The following GLIPR1 variants were observed in gnomAD, a reference collection of about 807,000 sequenced individuals.
The protein encoded by GLIPR1 is GLI pathogenesis related 1.
GLIPR1 carries 38 observed loss-of-function variants against 30.3 expected under a neutral mutation model. The ratio of observed to expected loss-of-function variants is 1.26; its 90% CI spans 0.97 to 1.65. The LOEUF (loss-of-function observed/expected upper bound fraction) is 1.65. GLIPR1 is among the 40% of genes most tolerant of loss of function. GLIPR1 has a pLI of 0.00. For synonymous variants in GLIPR1, 122 were observed against 110.6 expected (o/e 1.10, Z -0.65); for missense variants, 285 against 326.5 (o/e 0.87, Z 0.98).
At chr12:75,481,705 T>C in intron 1 of GLIPR1, 129 bp from the exon 2 acceptor site, 1 of 770,842 alleles carries the variant, frequency 1.3e-6, no homozygotes, top group East Asian at 2.5e-5. Flanking sequence ...AAGACCATAT[T>C]TATAGAGGAC....
chr12:75,480,940 C>T lies in GLIPR1; in HGVS notation c.60C>T (p.His20=), dbSNP rs1566094113. ...TTTCTTTTGTCTCCAATTATTCACA[C>T]ACAGCAAATATTTTGCCAGATATCG... ...WMVSFVSNYS[H]TANILPDIEN... The change falls in exon 1 of 6, where the codon CAC becomes CAT. Residue 20 remains histidine (H), a synonymous_variant. Transcript: ENST00000266659. 1 of 1,613,618 alleles carries T rather than the reference C, an allele frequency of 6.2e-7. No individual in the cohort carries two copies. The highest frequency in any genetic ancestry group is 1.3e-5 in the African/African-American group (1 of 75,034).
chr12:75,496,803 TTCTA>T (rs879556528), intron 4 of GLIPR1: 1 of 152,184 alleles, frequency 6.6e-6, no homozygotes, highest in Non-Finnish European at 1.5e-5. Flanking sequence ...AATTATAAAA[TTCTA>T]TATATTAAAC....
At chr12:75,489,059 C>A (rs1039849676) in intron 2 of GLIPR1, among the ~76,000 whole-genome samples, 4 of 152,194 alleles carry the variant, frequency 2.6e-5, no homozygotes, top group Non-Finnish European at 5.9e-5. Flanking sequence ...CTGTATCCAC[C>A]TTTAAATACT....
rs2046397736 is a variant in GLIPR1, at chr12:75,501,985, C to T, written c.*3007C>T. The T allele has an allele frequency of 6.2e-7, 1 of 1,611,330 alleles. No homozygotes were observed. The highest frequency in any genetic ancestry group is 1.3e-5 in the African/African-American group (1 of 74,764). Reference sequence around the variant, plus strand: ...GCCTTCAAAAAGTATTCACCACTAGCCAATTCTTTATCGATCTGTTGAAAA... The same window carrying T: ...GCCTTCAAAAAGTATTCACCACTAGTCAATTCTTTATCGATCTGTTGAAAA... On this transcript the variant is annotated 3_prime_UTR_variant, in exon 6 of 6. Coordinates refer to ENST00000266659, the MANE Select transcript of GLIPR1 (RefSeq NM_006851.3).
rs1487473049 is a variant in GLIPR1 at position 75,500,711 on chromosome 12, T to TTTTC, written c.*1736_*1739dup. ...GGAAGCAGTGAAAAAGAATGCAACT[T>TTTTC]TTTCTTACCATTCAAAGTACAGGAT... is the stretch of plus-strand genomic sequence containing the variant. On this transcript the variant is annotated 3_prime_UTR_variant, in exon 6 of 6. Transcript: ENST00000266659. The TTTTC allele has an allele frequency of 6.6e-6, 1 of 151,894 alleles. No individual in the cohort carries two copies. The highest frequency in any genetic ancestry group is 1.5e-5 in the Non-Finnish European group (1 of 67,950). 9.4% of individuals were successfully genotyped at this position (151,894 alleles called of 1,614,324 possible).
chr12:75,485,449 T>C lies in GLIPR1; in HGVS notation c.420+3370T>C, dbSNP rs530309837. Among the ~76,000 whole-genome samples, 3 of 152,318 alleles carry C rather than the reference T, an allele frequency of 2.0e-5. No homozygotes were observed. The East Asian group carries it at 5.8e-4, about 29-fold the overall frequency. On this transcript the variant is annotated intron_variant, in intron 2 of 5. Transcript: ENST00000266659. ...GAGGATTACTTGGATTTGATAGTGCTAGGATTTCTCACTAGATGGCGCTAC... is the reference window on the plus strand; with the variant it reads ...GAGGATTACTTGGATTTGATAGTGCCAGGATTTCTCACTAGATGGCGCTAC...
At chr12:75,481,797 A>G in intron 1 of GLIPR1, 37 bp from the exon 2 acceptor site, 1 of 1,603,946 alleles carries the variant, frequency 6.2e-7, no homozygotes, top group Non-Finnish European at 8.5e-7. Context: ...GTTACATTTC[A>G]GATGAACCCC....
Position 75,503,164 on chromosome 12 carries a change from G to A in GLIPR1, c.*4186G>A, listed in dbSNP as rs1159605460. 3 of 152,128 alleles carry A rather than the reference G, an allele frequency of 2.0e-5. No individual in the cohort carries two copies. Among genetic ancestry groups the A allele is most frequent in the Non-Finnish European group, 4.4e-5 (3 of 67,968 alleles). The allele number at this position is 152,128 out of a possible 1,614,324, so 9.4% of individuals were successfully genotyped here. ...GATGCAGGTGGAAGAAAACCCATAC[G>A]TGAGAGAAGAGGAAACAGAAAGGGG... is the stretch of plus-strand genomic sequence containing the variant. On this transcript the variant is annotated 3_prime_UTR_variant, in exon 6 of 6. Coordinates refer to ENST00000266659, the MANE Select transcript of GLIPR1 (RefSeq NM_006851.3).
chr12:75,485,993 C>T (rs1354718812), intron 2 of GLIPR1, among the ~76,000 whole-genome samples: 1 of 152,016 alleles, frequency 6.6e-6, no homozygotes, highest in Non-Finnish European at 1.5e-5. Context: ...TCTTCCTTCC[C>T]TCTGGGTTCC....
rs903679463 is a variant in GLIPR1, at chr12:75,499,590, C to T, written c.*612C>T. ...GGATTTAATGGATAATCACAATGGT[C>T]GTAATGTATACAAAGACTTATATAC... is the stretch of plus-strand genomic sequence containing the variant. On this transcript the variant is annotated 3_prime_UTR_variant, in exon 6 of 6. Transcript: ENST00000266659. The T allele has an allele frequency of 3.7e-5, 10 of 272,646 alleles. No homozygotes were observed. The highest frequency in any genetic ancestry group is 2.3e-4 in the African/African-American group (10 of 43,432). The allele number at this position is 272,646 out of a possible 1,614,324, so 16.9% of individuals were successfully genotyped here. A position where few individuals can be genotyped will look rare whatever the true frequency, so the allele number is the denominator to read the frequency against.
Position 75,499,902 on chromosome 12 carries a change from C to CTTAACCTTTTCCT in GLIPR1, c.*926_*938dup. On this transcript the variant is annotated 3_prime_UTR_variant, in exon 6 of 6. Transcript: ENST00000266659. ...CTCCCAGTTTCTTATTCTTTGCTTT[C>CTTAACCTTTTCCT]TTAACCTTTTCCTTGATGCTGGCCA... 6.2e-7 allele frequency: 1 copy of CTTAACCTTTTCCT among 1,609,338 alleles called. No homozygotes were observed. The highest frequency in any genetic ancestry group is 8.5e-7 in the Non-Finnish European group (1 of 1,178,004).
intron 2 of GLIPR1, among the ~76,000 whole-genome samples, chr12:75,488,286 C>A (rs1186879601): frequency 6.6e-6 from 1 of 152,144 alleles, no homozygotes; most frequent in Non-Finnish European, 1.5e-5. Flanking sequence ...GCCTGTAATC[C>A]CAGCACTTTG....
chr12:75,499,815 TTTTTTCTTC>T lies in GLIPR1; in HGVS notation c.*846_*854del, dbSNP rs762601194. 2.5e-6 allele frequency: 4 copies of T among 1,598,560 alleles called. No individual in the cohort carries two copies. Among genetic ancestry groups the T allele is most frequent in the Admixed American group, 1.7e-5 (1 of 57,818 alleles). ...TCAAGGAGTTTTGGGTATGTTACTT[TTTTTTCTTC>T]TTTTTCTTTTCATCTGCCTCCATCT... On this transcript the variant is annotated 3_prime_UTR_variant, in exon 6 of 6. Transcript: ENST00000266659.
intron 2 of GLIPR1, among the ~76,000 whole-genome samples, chr12:75,486,063 G>T (rs1423113164): frequency 6.6e-6 from 1 of 152,182 alleles, no homozygotes; most frequent in African/African-American, 2.4e-5. Flanking sequence ...TGAAGAGCTT[G>T]CTAAAAGAGA....
chr12:75,502,980 C>G lies in GLIPR1; in HGVS notation c.*4002C>G, dbSNP rs1300583892. The G allele has an allele frequency of 6.6e-6, 1 of 151,952 alleles. No individual in the cohort carries two copies. 9.4% of individuals were successfully genotyped at this position (151,952 alleles called of 1,614,324 possible). On this transcript the variant is annotated 3_prime_UTR_variant, in exon 6 of 6. Transcript: ENST00000266659. ...CAAATCTTCCCTGAAAGACTCCAAC[C>G]ATGGTTGTGGAAAAAAGAGATGTAG...
At position 75,502,103 on chromosome 12, in the gene GLIPR1, C is replaced by A; in HGVS notation, c.*3125C>A. ...TTAGGGTAAAAACAATGGGGTCAAA[C>A]TGATTTATTAATAAAAATGGTAGTG... On this transcript the variant is annotated 3_prime_UTR_variant, in exon 6 of 6. Transcript: ENST00000266659. 1.2e-6 allele frequency: 1 copy of A among 865,050 alleles called. No individual in the cohort carries two copies. Among genetic ancestry groups the A allele is most frequent in the East Asian group, 2.4e-5 (1 of 40,828 alleles). The allele number at this position is 865,050 out of a possible 1,614,324, so 53.6% of individuals were successfully genotyped here.
At chr12:75,493,750 A>T (rs2046335674) in intron 3 of GLIPR1, 3 of 152,204 alleles carry the variant, frequency 2.0e-5, no homozygotes, top group Admixed American at 2.0e-4. Flanking sequence ...TGTGCTGAAT[A>T]CTTTAGGTCC....
chr12:75,485,712 G>A (rs1046185586), intron 2 of GLIPR1, among the ~76,000 whole-genome samples: 3 of 151,358 alleles, frequency 2.0e-5, no homozygotes, highest in Non-Finnish European at 4.4e-5. Flanking sequence ...CACTACGCCC[G>A]GCTAATTTTT....
In GLIPR1 at chr12:75,490,513, AC is replaced by A; in HGVS notation, c.530del (p.Pro177GlnfsTer67). On this transcript the variant is annotated frameshift_variant, in exon 3 of 6. Transcript: ENST00000266659. LOFTEE classifies it high-confidence loss of function. ...NGAHFICNYGPGGNYPTWPYK... is the reference protein window; with the variant it reads ...NGAHFICNYGXGGNYPTWPYK... ...GAGCACATTTTATATGCAACTACGG[AC>A]CAGGGTAAGTGCCTGAATCAACCGG... The A allele has an allele frequency of 1.8e-6, 2 of 1,121,178 alleles. No individual in the cohort carries two copies. Among genetic ancestry groups the A allele is most frequent in the Non-Finnish European group, 2.5e-6 (2 of 802,424 alleles). The allele number at this position is 1,121,178 out of a possible 1,614,324, so 69.5% of individuals were successfully genotyped here. A position where few individuals can be genotyped will look rare whatever the true frequency, so the allele number is the denominator to read the frequency against.
Sources: gnomAD v4.1 joint callset for allele counts (sites outside exome capture counted in the v4.1 genomes callset) on GRCh38, gnomAD v4.1.1 for gene constraint, MANE v1.5 for transcripts, NCBI Gene and HGNC (gene_info 2026-07-23, HGNC 2026-07-21) for gene names.